Variants in NECTIN3 observed in about 807,000 individuals in gnomAD.
NECTIN3 encodes the protein nectin-3.
A neutral mutation model predicts 49.4 loss-of-function variants in NECTIN3; 8 were observed. The ratio of observed to expected loss-of-function variants is 0.16; its 90% CI spans 0.10 to 0.29. The LOEUF (loss-of-function observed/expected upper bound fraction) is 0.29, where lower values mean the gene tolerates loss of function less well. NECTIN3 is among the 10% of genes least tolerant of loss of function. The probability of loss-of-function intolerance (pLI) is 1.00; values close to 1 mark genes in which losing one functional copy is unlikely to be tolerated. For synonymous variants in NECTIN3, 277 were observed against 241.1 expected (o/e 1.15, Z -1.38); for missense variants, 581 against 654.6 (o/e 0.89, Z 1.23).
At chr3:111,095,163 G>C (rs2032511467) in intron 1 of NECTIN3, among the ~76,000 whole-genome samples, 1 of 152,100 alleles carries the variant, frequency 6.6e-6, no homozygotes, top group Non-Finnish European at 1.5e-5. Flanking sequence ...CATACTGTCA[G>C]TCATGCCACT....
At chr3:111,153,953 T>C (rs556663491) in intron 7 of NECTIN3, among the ~76,000 whole-genome samples, 1 of 152,312 alleles carries the variant, frequency 6.6e-6, no homozygotes, top group Admixed American at 6.5e-5. Context: ...GCAGTACCTG[T>C]GATGACAGCT....
intron 7 of NECTIN3, among the ~76,000 whole-genome samples, chr3:111,184,518 C>A (rs1225097344): frequency 6.6e-6 from 1 of 152,164 alleles, no homozygotes; most frequent in South Asian, 2.1e-4. Context: ...TTGCCAGATG[C>A]TAGCACCTTG....
chr3:111,086,667 G>C (rs1187216011), intron 1 of NECTIN3, among the ~76,000 whole-genome samples: 1 of 152,124 alleles, frequency 6.6e-6, no homozygotes, highest in Non-Finnish European at 1.5e-5. Flanking sequence ...ATATTGGGTG[G>C]AGTAAGCTCG....
At chr3:111,190,513 A>G (rs2035796400), upstream of NECTIN3, among the ~76,000 whole-genome samples, 1 of 152,228 alleles carries the variant, frequency 6.6e-6, no homozygotes, top group Non-Finnish European at 1.5e-5. Flanking sequence ...ATACTTCTAG[A>G]GGCTGGGAAG....
At chr3:111,097,995 A>G (rs1425525993) in intron 1 of NECTIN3, among the ~76,000 whole-genome samples, 1 of 152,216 alleles carries the variant, frequency 6.6e-6, no homozygotes, top group Non-Finnish European at 1.5e-5. Flanking sequence ...TTACATTACT[A>G]GAATTGAACA....
At position 111,156,283 on chromosome 3, in the gene NECTIN3, A is replaced by G. The variant is rs147324664; in HGVS notation, c.1221+8799A>G. On this transcript the variant is annotated intron_variant, in intron 7 of 8. Coordinates refer to the NECTIN3 transcript ENST00000493615. ...TTTTGAATCTATTCAGATGCCTTAA[A>G]TAAAATGAAATTAGAATTAAAATTT... is the stretch of plus-strand genomic sequence containing the variant. 3.2e-3 allele frequency among the ~76,000 whole-genome samples: 482 copies of G among 152,302 alleles called. 10 individuals carry two copies. The highest frequency in any genetic ancestry group is 0.027 in the Admixed American group (414 of 15,294).
chr3:111,127,047 C>T (rs2034190555), intron 5 of NECTIN3, among the ~76,000 whole-genome samples: 1 of 151,986 alleles, frequency 6.6e-6, no homozygotes, highest in South Asian at 2.1e-4. Context: ...TATAAAAATT[C>T]AATAAAATAT....
chr3:111,154,648 A>T (rs775271829), intron 7 of NECTIN3, among the ~76,000 whole-genome samples: 5 of 152,116 alleles, frequency 3.3e-5, no homozygotes, highest in Non-Finnish European at 5.9e-5. Flanking sequence ...CCTTACCAAC[A>T]CTTATGGTCA....
intron 1 of NECTIN3, among the ~76,000 whole-genome samples, chr3:111,111,828 G>A (rs2033470970): frequency 6.6e-6 from 1 of 151,780 alleles, no homozygotes; most frequent in Admixed American, 6.6e-5. Flanking sequence ...AAAACACCTA[G>A]TTCATTTCTT....
upstream of NECTIN3, among the ~76,000 whole-genome samples, chr3:111,190,459 C>G (rs2035795403): frequency 6.6e-6 from 1 of 152,216 alleles, no homozygotes; most frequent in South Asian, 2.1e-4. Context: ...TGTAACAAAA[C>G]ACCGTAAACT....
chr3:111,136,015 T>G lies in NECTIN3; in HGVS notation c.*1800T>G. The G allele has an allele frequency of 1.0e-6, 1 of 972,914 alleles. No individual in the cohort carries two copies. Among genetic ancestry groups the G allele is most frequent in the Non-Finnish European group, 1.2e-6 (1 of 818,748 alleles). The allele number at this position is 972,914 out of a possible 1,614,324, so 60.3% of individuals were successfully genotyped here. A position where few individuals can be genotyped will look rare whatever the true frequency, so the allele number is the denominator to read the frequency against. ...AAATATTACAACTTTTTAGTGCAAG[T>G]TTTTGGAAGAAAACTTTTTGATAAA... On this transcript the variant is annotated 3_prime_UTR_variant, in exon 6 of 6. Transcript: ENST00000485303.
rs1365962277 is a variant in NECTIN3 at position 111,137,197 on chromosome 3, TAAG to T, written c.*2986_*2988del. On this transcript the variant is annotated 3_prime_UTR_variant, in exon 6 of 6. Transcript: ENST00000485303. Reference sequence around the variant, plus strand: ...TGCTAAAACACAGTATATGAACAAGTAAGAAGTTTATGTATGAAAGTAATCAAT... The same window carrying T: ...TGCTAAAACACAGTATATGAACAAGTAAGTTTATGTATGAAAGTAATCAAT... 6 of 936,972 alleles carry T rather than the reference TAAG, an allele frequency of 6.4e-6. No homozygotes were observed. Among genetic ancestry groups the T allele is most frequent in the Admixed American group, 6.2e-5 (1 of 16,082 alleles). The allele number at this position is 936,972 out of a possible 1,614,324, so 58.0% of individuals were successfully genotyped here. A position where few individuals can be genotyped will look rare whatever the true frequency, so the allele number is the denominator to read the frequency against.
Position 111,072,148 on chromosome 3 carries a change from T to TC in NECTIN3, c.134dup (p.Leu46AlafsTer36). The TC allele has an allele frequency of 6.4e-7, 1 of 1,551,982 alleles. No homozygotes were observed. The highest frequency in any genetic ancestry group is 8.7e-7 in the Non-Finnish European group (1 of 1,147,964). ...CCACCTCCGCTGCTGCTGCTGCTCT[T>TC]CCCGCTGCTGCTCTTCTCCAGGCTC... On this transcript the variant is annotated frameshift_variant, in exon 1 of 6. Transcript: ENST00000485303. LOFTEE classifies it high-confidence loss of function.
intron 1 of NECTIN3, among the ~76,000 whole-genome samples, chr3:111,105,890 G>T (rs898365480): frequency 2.6e-5 from 4 of 151,582 alleles, no homozygotes; most frequent in Admixed American, 6.6e-5. Flanking sequence ...CTTCATGTCT[G>T]TAAGGTGTCG....
intron 7 of NECTIN3, among the ~76,000 whole-genome samples, chr3:111,166,176 G>A (rs1357246338): frequency 6.6e-6 from 1 of 152,168 alleles, no homozygotes; most frequent in Non-Finnish European, 1.5e-5. Context: ...ACCAGAATGG[G>A]CAAAGGAAGG....
At chr3:111,099,789 T>C (rs1165087671) in intron 1 of NECTIN3, among the ~76,000 whole-genome samples, 1 of 152,196 alleles carries the variant, frequency 6.6e-6, no homozygotes, top group African/African-American at 2.4e-5. Flanking sequence ...GAAGAAATCA[T>C]ATAGCCTTGT....
intron 7 of NECTIN3, among the ~76,000 whole-genome samples, chr3:111,180,304 T>G (rs1463131290): frequency 2.0e-5 from 3 of 152,230 alleles, no homozygotes; most frequent in African/African-American, 7.2e-5. Flanking sequence ...TCATGAATGC[T>G]TGGAACCAGC....
At chr3:111,107,266 AC>A (rs1352020011) in intron 1 of NECTIN3, among the ~76,000 whole-genome samples, 1 of 152,194 alleles carries the variant, frequency 6.6e-6, no homozygotes, top group Admixed American at 6.5e-5. Context: ...ATTCAAAGAC[AC>A]ATGAAGACTC....
chr3:111,149,737 G>A (rs1442560098), intron 7 of NECTIN3, among the ~76,000 whole-genome samples: 2 of 150,634 alleles, frequency 1.3e-5, no homozygotes, highest in Admixed American at 1.3e-4. Flanking sequence ...CATTTCTTAG[G>A]AATATAATCT....
Sources: allele counts gnomAD v4.1 joint callset (sites outside exome capture counted in the v4.1 genomes callset), GRCh38; gene constraint gnomAD v4.1.1; transcripts MANE v1.5; gene names NCBI Gene and HGNC (gene_info 2026-07-23, HGNC 2026-07-21).